The following SLC4A7 variants were observed in gnomAD, a reference collection of about 807,000 sequenced individuals.
SLC4A7 encodes sodium bicarbonate cotransporter 3.
A neutral mutation model predicts 137.6 loss-of-function variants in SLC4A7; 51 were observed. The observed-to-expected ratio is 0.37, with a 90% confidence interval of 0.30 to 0.47. The LOEUF (loss-of-function observed/expected upper bound fraction) is 0.47, where lower values mean the gene tolerates loss of function less well. Among genes scored for constraint, SLC4A7 ranks in the 20% least tolerant of loss-of-function variants. SLC4A7 has a pLI of 1.00. For synonymous variants in SLC4A7, 542 were observed against 518.6 expected (o/e 1.05, Z -0.61); for missense variants, 1,247 against 1,525.4 (o/e 0.82, Z 3.04).
chr3:27,414,277 T>C (rs1169833196), intron 11 of SLC4A7, among the ~76,000 whole-genome samples: 1 of 151,910 alleles, frequency 6.6e-6, no homozygotes, highest in Non-Finnish European at 1.5e-5. Context: ...CGAAGCTCCA[T>C]CTCAAAAAAA....
At position 27,431,297 on chromosome 3, in the gene SLC4A7, C is replaced by T. The variant is rs1170933249; in HGVS notation, c.1150+1G>A. ...ACACATGGAGGATTTTGGATAGTTG[C>T]CTGGAGTTAAGTCAACATTTTCCTC... On this transcript the variant is annotated splice_donor_variant, in intron 7 of 25. Transcript: ENST00000454389. LOFTEE classifies it high-confidence loss of function. 6.4e-7 allele frequency: 1 copy of T among 1,567,642 alleles called. No homozygotes were observed. The highest frequency in any genetic ancestry group is 2.3e-5 in the East Asian group (1 of 44,392).
chr3:27,374,331 T>C lies in SLC4A7; in HGVS notation c.*2433A>G, dbSNP rs1167450923. ...AATGGAATATGTACAGGTTTAATTATTTTGCACCTTGAGGTAAATCAGTAC... is the reference window on the plus strand; with the variant it reads ...AATGGAATATGTACAGGTTTAATTACTTTGCACCTTGAGGTAAATCAGTAC... On this transcript the variant is annotated 3_prime_UTR_variant, in exon 26 of 26. Coordinates refer to ENST00000454389, the MANE Select transcript of SLC4A7 (RefSeq NM_001321103.2). 6.6e-6 allele frequency: 1 copy of C among 152,482 alleles called. No individual in the cohort carries two copies. Among genetic ancestry groups the C allele is most frequent in the Non-Finnish European group, 1.5e-5 (1 of 67,914 alleles). 9.4% of individuals were successfully genotyped at this position (152,482 alleles called of 1,614,324 possible).
intron 3 of SLC4A7, among the ~76,000 whole-genome samples, chr3:27,444,521 T>C (rs764850989): frequency 1.6e-4 from 25 of 152,210 alleles, no homozygotes; most frequent in Admixed American, 4.6e-4. Flanking sequence ...TGTGTTTCAT[T>C]TTGGATAGTT....
At chr3:27,446,710 TA>T (rs1424070348) in intron 3 of SLC4A7, among the ~76,000 whole-genome samples, 2 of 152,104 alleles carry the variant, frequency 1.3e-5, no homozygotes, top group African/African-American at 4.8e-5. Context: ...TTTTACTGTT[TA>T]AGTATTTTTT....
chr3:27,409,759 T>C (rs925596472), intron 12 of SLC4A7, among the ~76,000 whole-genome samples: 2 of 152,192 alleles, frequency 1.3e-5, no homozygotes, highest in African/African-American at 2.4e-5. Context: ...ACGGACTATA[T>C]AATGAAAAGA....
chr3:27,398,916 G>A (rs1027993057), intron 16 of SLC4A7, among the ~76,000 whole-genome samples: 10 of 151,244 alleles, frequency 6.6e-5, no homozygotes, highest in African/African-American at 9.7e-5. Flanking sequence ...TAAAATGACC[G>A]TTAAAATATT....
At chr3:27,429,464 GTA>G (rs1299806843) in intron 7 of SLC4A7, among the ~76,000 whole-genome samples, 3 of 152,132 alleles carry the variant, frequency 2.0e-5, no homozygotes, top group Admixed American at 6.5e-5. Context: ...ATCCGAGTCT[GTA>G]TATGATTCCA....
chr3:27,443,947 A>G (rs1353530233), intron 3 of SLC4A7, among the ~76,000 whole-genome samples: 2 of 152,230 alleles, frequency 1.3e-5, no homozygotes, highest in Non-Finnish European at 2.9e-5. Flanking sequence ...ATCAGAGAAC[A>G]TACTTTCACT....
At chr3:27,432,667 A>T (rs909579500) in intron 6 of SLC4A7, among the ~76,000 whole-genome samples, 1 of 152,218 alleles carries the variant, frequency 6.6e-6, no homozygotes, top group Non-Finnish European at 1.5e-5. Context: ...AATAAGCTAC[A>T]TGCAGGAAAA....
At chr3:27,445,763 CAAAAAAAA>C (rs71087607) in intron 3 of SLC4A7, among the ~76,000 whole-genome samples, 11 of 99,638 alleles carry the variant, frequency 1.1e-4, no homozygotes, top group Admixed American at 8.4e-4. Flanking sequence ...ACTAAAAATA[CAAAAAAAA>C]AAAAAAAAAA....
chr3:27,403,814 C>A (rs1467330432), intron 14 of SLC4A7, among the ~76,000 whole-genome samples: 2 of 152,186 alleles, frequency 1.3e-5, no homozygotes, highest in Admixed American at 1.3e-4. Context: ...GCTCCAACAT[C>A]ATTACCATCA....
intron 15 of SLC4A7, 148 bp downstream of exon 15, chr3:27,402,991 C>T (rs2052941512): frequency 1.5e-6 from 1 of 677,610 alleles, no homozygotes; most frequent in Non-Finnish European, 2.4e-6. Flanking sequence ...GACAAAATCT[C>T]ATCTGAAACA....
chr3:27,424,021 TTAA>T lies in SLC4A7; in HGVS notation c.1266+13_1266+15del, dbSNP rs768465706. 1 of 1,347,426 alleles carries T rather than the reference TTAA, an allele frequency of 7.4e-7. No individual in the cohort carries two copies. Among genetic ancestry groups the T allele is most frequent in the Non-Finnish European group, 1.1e-6 (1 of 940,040 alleles). 83.5% of individuals were successfully genotyped at this position (1,347,426 alleles called of 1,614,324 possible). The stretch of plus-strand genomic sequence containing the variant: ...TAAGAATAATTATGAGAATTTTCAG[TTAA>T]TGATAGAATTACCTTGCTGAAGTCA... On this transcript the variant is annotated intron_variant, in intron 8 of 25. Coordinates refer to ENST00000454389, the MANE Select transcript of SLC4A7 (RefSeq NM_001321103.2).
chr3:27,419,243 G>A (rs1559715296), intron 10 of SLC4A7, among the ~76,000 whole-genome samples: 1 of 151,912 alleles, frequency 6.6e-6, no homozygotes, highest in Non-Finnish European at 1.5e-5. Context: ...AAACTGATGG[G>A]AAAGAACAAA....
At chr3:27,454,671 T>C (rs2058296562) in intron 1 of SLC4A7, among the ~76,000 whole-genome samples, 3 of 152,184 alleles carry the variant, frequency 2.0e-5, no homozygotes, top group African/African-American at 4.8e-5. Context: ...CTTCATGTCA[T>C]TTAGTCTCTG....
intron 2 of SLC4A7, among the ~76,000 whole-genome samples, chr3:27,450,886 T>A (rs549021583): frequency 2.0e-5 from 3 of 152,044 alleles, no homozygotes; most frequent in Non-Finnish European, 4.4e-5. Flanking sequence ...AACTTGAAGA[T>A]GTGTACAAAG....
intron 1 of SLC4A7, among the ~76,000 whole-genome samples, chr3:27,476,854 A>G (rs1425897732): frequency 6.6e-6 from 1 of 152,172 alleles, no homozygotes; most frequent in Non-Finnish European, 1.5e-5. Flanking sequence ...TAGCACTGTC[A>G]TAACAGACTA....
intron 24 of SLC4A7, among the ~76,000 whole-genome samples, chr3:27,381,860 C>A (rs1559617744): frequency 6.6e-6 from 1 of 152,032 alleles, no homozygotes; most frequent in Non-Finnish European, 1.5e-5. Context: ...CCAAGGCAGG[C>A]GGATCACCTG....
chr3:27,391,008 A>T (rs9822025), intron 21 of SLC4A7, among the ~76,000 whole-genome samples: 1 of 152,076 alleles, frequency 6.6e-6, no homozygotes, highest in African/African-American at 2.4e-5. Context: ...GGTTTTGTAG[A>T]GGCAGGATCT....
Sources: gnomAD v4.1 joint callset for allele counts (sites outside exome capture counted in the v4.1 genomes callset) on GRCh38, gnomAD v4.1.1 for gene constraint, MANE v1.5 for transcripts, NCBI Gene and HGNC (gene_info 2026-07-23, HGNC 2026-07-21) for gene names.